Variants in XYLT1 observed in about 807,000 individuals in gnomAD.
XYLT1 encodes the protein xylosyltransferase 1, also known as beta-D-xylosyltransferase 1.
In XYLT1, 36 loss-of-function variants were observed where a neutral mutation model predicts 91.3. The observed-to-expected ratio is 0.39, with a 90% CI of 0.30 to 0.52. The LOEUF (loss-of-function observed/expected upper bound fraction) is 0.52, where lower values mean the gene tolerates loss of function less well. XYLT1 is among the 20% of genes least tolerant of loss of function. XYLT1 has a pLI of 0.68. For synonymous variants in XYLT1, 588 were observed against 532.0 expected, an observed-to-expected ratio of 1.11 and a Z score of -1.45; for missense variants, 1,242 against 1,284.5, an observed-to-expected ratio of 0.97 and a Z score of 0.51.
intron 1 of XYLT1, among the ~76,000 whole-genome samples, chr16:17,368,102 C>T (rs2035478008): frequency 2.6e-5 from 4 of 152,288 alleles, no homozygotes; most frequent in Admixed American, 2.0e-4. Context: ...GGAATGACTC[C>T]AAGAGGCCAC....
intron 1 of XYLT1, among the ~76,000 whole-genome samples, chr16:17,442,656 A>T (rs549959676): frequency 6.6e-6 from 1 of 152,230 alleles, no homozygotes; most frequent in East Asian, 1.9e-4. Context: ...CCACCTTGAG[A>T]GAGGGGGCAA....
intron 2 of XYLT1, among the ~76,000 whole-genome samples, chr16:17,309,094 G>A (rs2034507839): frequency 6.6e-6 from 1 of 152,156 alleles, no homozygotes; most frequent in African/African-American, 2.4e-5. Context: ...TAGGAGAGGT[G>A]GAAAGGCGGC....
rs139876217 is a variant in XYLT1 at position 17,459,242 on chromosome 16, C to T, written c.363+11192G>A. Among the ~76,000 whole-genome samples, 666 of 152,156 alleles carry T rather than the reference C, an allele frequency of 4.4e-3. 3 individuals are homozygous for T. The highest frequency in any genetic ancestry group is 0.015 in the African/African-American group (621 of 41,498). On this transcript the variant is annotated intron_variant, in intron 1 of 11. Transcript: ENST00000261381. ...CAAAAATTAGCCGGGCATGGTGGCA[C>T]GCACCTGTAGTCCCACCTACTCAGG...
In XYLT1 at chr16:17,301,998, G is replaced by A. The variant is rs2141812915; in HGVS notation, c.403-42500C>T. 1.3e-5 allele frequency among the ~76,000 whole-genome samples: 2 copies of A among 152,108 alleles called. 1 individual carries two copies. Among genetic ancestry groups the A allele is most frequent in the Non-Finnish European group, 2.9e-5 (2 of 68,024 alleles). ...AGGCCAAGGTGGGCGGATCATTTGA[G>A]GTCAGAAGTTCAAGACCAATCTGGC... On this transcript the variant is annotated intron_variant, in intron 2 of 11. Transcript: ENST00000261381.
At chr16:17,382,717 G>A (rs2035696860) in intron 1 of XYLT1, among the ~76,000 whole-genome samples, 1 of 151,822 alleles carries the variant, frequency 6.6e-6, no homozygotes, top group African/African-American at 2.4e-5. Flanking sequence ...GGGCCATGTG[G>A]ACCACAACAC....
chr16:17,320,482 CTTT>C (rs11430162), intron 2 of XYLT1, among the ~76,000 whole-genome samples: 5 of 134,422 alleles, frequency 3.7e-5, no homozygotes, highest in African/African-American at 2.8e-5. Flanking sequence ...GGAAAAGTTT[CTTT>C]TTTTTTTTTT....
chr16:17,134,619 C>T lies in XYLT1; in HGVS notation c.1881G>A (p.Leu627=), dbSNP rs764393096. Residue 627 remains leucine (L), a synonymous_variant, in exon 9 of 12, where the codon CTG becomes CTA. Coordinates refer to ENST00000261381, the MANE Select transcript of XYLT1 (RefSeq NM_022166.4). ...YGNYPAGTPG[L]RSYWENVYDE... The stretch of plus-strand genomic sequence containing the variant: ...CGTAGACATTCTCCCAGTAGGAGCG[C>T]AGGCCCGGGGTACCTGCAGGGTAGT... 8.1e-6 allele frequency: 13 copies of T among 1,614,088 alleles called. No homozygotes were observed. The highest frequency in any genetic ancestry group is 1.1e-5 in the Non-Finnish European group (13 of 1,180,052).
intron 1 of XYLT1, among the ~76,000 whole-genome samples, chr16:17,386,874 G>C (rs1036213798): frequency 1.3e-5 from 2 of 152,226 alleles, no homozygotes; most frequent in Admixed American, 1.3e-4. Flanking sequence ...CTGAGGCTAA[G>C]AGAGGGGAAG....
chr16:17,138,133 TTTG>T, intron 8 of XYLT1: 1 of 447,618 alleles, frequency 2.2e-6, no homozygotes, highest in Non-Finnish European at 4.0e-6. Flanking sequence ...TGAAAGGTCA[TTTG>T]TTGTTTTTGG....
At chr16:17,141,460 T>C in intron 6 of XYLT1, 91 bp from the exon 7 acceptor site, 3 of 1,287,396 alleles carry the variant, frequency 2.3e-6, no homozygotes, top group Non-Finnish European at 3.2e-6. Context: ...ATCATAGCGA[T>C]GATGGCAATT....
chr16:17,207,434 C>T (rs1009006972), intron 3 of XYLT1, among the ~76,000 whole-genome samples: 1 of 152,132 alleles, frequency 6.6e-6, no homozygotes, highest in Admixed American at 6.5e-5. Context: ...TGTAGGATGC[C>T]AGCCTTGCCC....
chr16:17,328,190 T>C (rs899834342), intron 2 of XYLT1, among the ~76,000 whole-genome samples: 17 of 152,212 alleles, frequency 1.1e-4, no homozygotes, highest in African/African-American at 3.9e-4. Flanking sequence ...TCATTTCTAA[T>C]GAATGAGATT....
At chr16:17,426,464 T>G (rs1472383165) in intron 1 of XYLT1, among the ~76,000 whole-genome samples, 1 of 152,058 alleles carries the variant, frequency 6.6e-6, no homozygotes, top group Non-Finnish European at 1.5e-5. Context: ...GAGAACTGCT[T>G]GAACCCGGGA....
intron 8 of XYLT1, among the ~76,000 whole-genome samples, chr16:17,137,188 G>A (rs1458499975): frequency 6.6e-6 from 1 of 152,020 alleles, no homozygotes; most frequent in Non-Finnish European, 1.5e-5. Context: ...ACAAAAACCA[G>A]GAAGGCAGCA....
chr16:17,459,654 T>C (rs1434178882), intron 1 of XYLT1, among the ~76,000 whole-genome samples: 1 of 152,236 alleles, frequency 6.6e-6, no homozygotes, highest in Non-Finnish European at 1.5e-5. Flanking sequence ...TTCAGCTCCC[T>C]AATGGTTTCC....
At chr16:17,171,106 A>G (rs1015241348) in intron 5 of XYLT1, among the ~76,000 whole-genome samples, 2 of 152,212 alleles carry the variant, frequency 1.3e-5, no homozygotes, top group Admixed American at 1.3e-4. Flanking sequence ...GCCAGTGAAA[A>G]CAAGAGAGAT....
At chr16:17,377,208 G>C (rs2035614307) in intron 1 of XYLT1, among the ~76,000 whole-genome samples, 1 of 108,046 alleles carries the variant, frequency 9.3e-6, no homozygotes, top group Non-Finnish European at 1.8e-5. Flanking sequence ...TACTATTCTG[G>C]GTCTTGTTTT....
intron 5 of XYLT1, among the ~76,000 whole-genome samples, chr16:17,165,372 G>T (rs1359992418): frequency 2.0e-5 from 3 of 152,070 alleles, no homozygotes; most frequent in Non-Finnish European, 4.4e-5. Context: ...TCCTTTTAAC[G>T]GTTGCACAGG....
At chr16:17,229,041 C>T (rs997249259) in intron 3 of XYLT1, among the ~76,000 whole-genome samples, 4 of 152,174 alleles carry the variant, frequency 2.6e-5, no homozygotes, top group Non-Finnish European at 4.4e-5. Context: ...ACAATCTCGG[C>T]TCACTGCAGC....
Sources: allele counts gnomAD v4.1 joint callset (sites outside exome capture counted in the v4.1 genomes callset), GRCh38; gene constraint gnomAD v4.1.1; transcripts MANE v1.5; gene names NCBI Gene and HGNC (gene_info 2026-07-23, HGNC 2026-07-21).